STOX2: variants seen among roughly 807,000 people sequenced by gnomAD.
The protein encoded by STOX2 is storkhead-box protein 2.
A neutral mutation model predicts 60.9 loss-of-function variants in STOX2; 28 were observed. The ratio of observed to expected loss-of-function variants is 0.46; its 90% CI spans 0.34 to 0.63. The LOEUF (loss-of-function observed/expected upper bound fraction) is 0.63. STOX2 is among the 30% of genes least tolerant of loss of function. The probability of loss-of-function intolerance (pLI) is 0.01; values close to 1 mark genes in which losing one functional copy is unlikely to be tolerated. For synonymous variants in STOX2, 472 were observed against 463.9 expected (o/e 1.02, Z -0.22); for missense variants, 1,024 against 1,187.7 (o/e 0.86, Z 2.03).
Position 184,010,745 on chromosome 4 carries a change from T to C in STOX2, c.1907T>C (p.Leu636Pro). The C allele has an allele frequency of 6.3e-7, 1 of 1,588,506 alleles. No homozygotes were observed. The highest frequency in any genetic ancestry group is 8.6e-7 in the Non-Finnish European group (1 of 1,167,824). ...ACTTTGGCAGAAGGGGTGAAAAAGC[T>C]CTCCCCTTCTGATAGGCAGGTCCCC... is the stretch of plus-strand genomic sequence containing the variant. ...TLTLAEGVKK[L>P]SPSDRQVPHS... Residue 636 changes from leucine (L) to proline (P), a missense_variant, in exon 3 of 4, where the codon CTC becomes CCC. Leu to Pro is a moderately conservative substitution (Grantham distance 98, BLOSUM62 -3). Transcript: ENST00000308497. The surrounding 1 kb of genome is among the most constrained non-coding windows in gnomAD (Gnocchi z 4.5).
At chr4:183,992,984 C>G (rs1031905523) in intron 1 of STOX2, among the ~76,000 whole-genome samples, 12 of 152,218 alleles carry the variant, frequency 7.9e-5, no homozygotes, top group African/African-American at 2.9e-4. Flanking sequence ...CATATTCCAT[C>G]CTACCTTTTC....
At chr4:183,965,130 A>G (rs934187101) in intron 1 of STOX2, among the ~76,000 whole-genome samples, 1 of 152,234 alleles carries the variant, frequency 6.6e-6, no homozygotes, top group African/African-American at 2.4e-5. Context: ...TGCCGTGTTT[A>G]TGAATCTTTT....
chr4:183,840,715 T>C (rs1739837261), intron 1 of STOX2, among the ~76,000 whole-genome samples: 1 of 152,254 alleles, frequency 6.6e-6, no homozygotes, highest in African/African-American at 2.4e-5. Context: ...TTAGCTCATA[T>C]GCATATTTCA....
At chr4:183,883,983 G>C (rs938884075) in intron 1 of STOX2, among the ~76,000 whole-genome samples, 3 of 151,910 alleles carry the variant, frequency 2.0e-5, no homozygotes, top group African/African-American at 7.3e-5. Context: ...ATCCTGAGTA[G>C]CTGGGACTAC....
intron 1 of STOX2, among the ~76,000 whole-genome samples, chr4:183,895,214 A>G (rs1300958833): frequency 6.6e-6 from 1 of 152,184 alleles, no homozygotes; most frequent in Non-Finnish European, 1.5e-5. Context: ...TGCCTGCCTT[A>G]TGCATAAGGC....
At chr4:183,861,336 G>A (rs895238086) in intron 1 of STOX2, among the ~76,000 whole-genome samples, 2 of 152,138 alleles carry the variant, frequency 1.3e-5, no homozygotes, top group African/African-American at 4.8e-5. Flanking sequence ...GCTGCAGTGG[G>A]GCCCCTGTCT....
chr4:183,968,992 C>T (rs542353064), intron 1 of STOX2, among the ~76,000 whole-genome samples: 5 of 152,290 alleles, frequency 3.3e-5, no homozygotes, highest in Admixed American at 1.3e-4. Context: ...TACGGTATCA[C>T]ATTGGGAGTG....
chr4:183,949,154 C>T (rs566035738), intron 1 of STOX2, among the ~76,000 whole-genome samples: 1 of 151,916 alleles, frequency 6.6e-6, no homozygotes, highest in Non-Finnish European at 1.5e-5. Flanking sequence ...TGTTCACAAC[C>T]ACTAATCAAA....
chr4:183,828,506 C>G (rs1343198895), intron 1 of STOX2, among the ~76,000 whole-genome samples: 2 of 151,976 alleles, frequency 1.3e-5, no homozygotes, highest in Admixed American at 1.3e-4. Flanking sequence ...GCTTTTCCCC[C>G]CTTTATAAAA....
At chr4:183,957,438 C>T (rs966940378) in intron 1 of STOX2, among the ~76,000 whole-genome samples, 13 of 152,110 alleles carry the variant, frequency 8.5e-5, no homozygotes, top group Admixed American at 2.6e-4. Context: ...ATGTGATATT[C>T]GAATTCGATA....
chr4:183,814,549 G>A (rs1446559977), intron 1 of STOX2, among the ~76,000 whole-genome samples: 1 of 152,152 alleles, frequency 6.6e-6, no homozygotes, highest in Admixed American at 6.5e-5. Context: ...TCCAGGGTCC[G>A]TGCTTGAAAC....
intron 1 of STOX2, among the ~76,000 whole-genome samples, chr4:184,000,894 G>A (rs1733565757): frequency 6.6e-6 from 1 of 152,240 alleles, no homozygotes; most frequent in Admixed American, 6.5e-5. Flanking sequence ...TGTCTCTGCA[G>A]CTCCCGTTCC....
intron 1 of STOX2, among the ~76,000 whole-genome samples, chr4:183,807,128 A>ATACT (rs1561100454): frequency 5.9e-5 from 9 of 151,784 alleles, no homozygotes; most frequent in Non-Finnish European, 1.0e-4. Flanking sequence ...GACCACCACC[A>ATACT]CGCCCAGCTA....
At chr4:184,002,938 A>G (rs1017689460) in intron 2 of STOX2, among the ~76,000 whole-genome samples, 1 of 152,238 alleles carries the variant, frequency 6.6e-6, no homozygotes, top group Admixed American at 6.5e-5. Context: ...CTCTAACATG[A>G]ACCCACCCTT....
rs541977346 is a variant in STOX2, at chr4:183,809,193, C to T, written c.364+11138C>T. On this transcript the variant is annotated intron_variant, in intron 1 of 2. Coordinates refer to the STOX2 transcript ENST00000513034. The stretch of plus-strand genomic sequence containing the variant: ...AGCTCTCAGACTCAAGAGATCCTTC[C>T]GCTTCAGCCTCCCAAGTAACTGGGG... Among the ~76,000 whole-genome samples the T allele has an allele frequency of 1.3e-4, 19 of 151,994 alleles. No individual in the cohort carries two copies. In the South Asian group the frequency reaches 2.9e-3, roughly 23 times the overall value.
chr4:183,870,139 C>T (rs945852703), intron 1 of STOX2, among the ~76,000 whole-genome samples: 1 of 152,190 alleles, frequency 6.6e-6, no homozygotes, highest in African/African-American at 2.4e-5. Flanking sequence ...CTGTGATAGT[C>T]TCATACTAGT....
chr4:183,905,757 G>C lies in STOX2; in HGVS notation c.-1034G>C, dbSNP rs1295667258. ...CTAACTTAAGGCAGCCTGGTGATTA[G>C]CATGAGACTGGGCGGCTGTCCTGCT... is the stretch of plus-strand genomic sequence containing the variant. On this transcript the variant is annotated 5_prime_UTR_variant, in exon 1 of 4. Coordinates refer to ENST00000308497, the MANE Select transcript of STOX2 (RefSeq NM_020225.3). 1 of 152,270 alleles carries C rather than the reference G, an allele frequency of 6.6e-6. No individual in the cohort carries two copies. The highest frequency in any genetic ancestry group is 1.5e-5 in the Non-Finnish European group (1 of 68,064). The allele number at this position is 152,270 out of a possible 1,614,324, so 9.4% of individuals were successfully genotyped here.
chr4:184,022,912 A>AATT lies in STOX2; in HGVS notation c.*5629_*5630insTTA, dbSNP rs1734645051. On this transcript the variant is annotated 3_prime_UTR_variant, in exon 4 of 4. Coordinates refer to ENST00000308497, the MANE Select transcript of STOX2 (RefSeq NM_020225.3). ...AGCTGCCCTAGGGTCACCTTCATGC[A>AATT]AGTATTGACAGCTACAAATTAAAGT... The AATT allele has an allele frequency of 1.3e-5, 2 of 152,168 alleles. No individual in the cohort carries two copies. Among genetic ancestry groups the AATT allele is most frequent in the African/African-American group, 4.8e-5 (2 of 41,434 alleles). The allele number at this position is 152,168 out of a possible 1,614,324, so 9.4% of individuals were successfully genotyped here.
chr4:183,950,099 C>T (rs1743023831), intron 1 of STOX2, among the ~76,000 whole-genome samples: 1 of 152,236 alleles, frequency 6.6e-6, no homozygotes, highest in African/African-American at 2.4e-5. Flanking sequence ...CTGCATTACA[C>T]TCTTATTAAA....
Sources: gnomAD v4.1 joint callset for allele counts (sites outside exome capture counted in the v4.1 genomes callset) on GRCh38, gnomAD v4.1.1 for gene constraint, Gnocchi (gnomAD v3.1) non-coding constraint, MANE v1.5 for transcripts, NCBI Gene and HGNC (gene_info 2026-07-23, HGNC 2026-07-21) for gene names.